Variants in SUMF1 observed in about 807,000 individuals in gnomAD.
SUMF1 encodes the protein sulfatase modifying factor 1, also known as formylglycine-generating enzyme.
SUMF1 carries 48 observed loss-of-function variants against 47.6 expected under a neutral mutation model. The ratio of observed to expected loss-of-function variants is 1.01; its 90% CI spans 0.80 to 1.28. The LOEUF is 1.28. SUMF1 is among the 50% of genes most tolerant of loss of function. The pLI is 0.00. For synonymous variants in SUMF1, 230 were observed against 192.1 expected (o/e 1.20, Z -1.63); for missense variants, 571 against 485.4 (o/e 1.18, Z -1.66).
At chr3:4,135,917 T>C (rs1335358265) in intron 8 of SUMF1, among the ~76,000 whole-genome samples, 2 of 151,980 alleles carry the variant, frequency 1.3e-5, no homozygotes, top group Non-Finnish European at 2.9e-5. Flanking sequence ...CCAACTTACA[T>C]GGGATGTGAA....
At chr3:4,386,094 T>C (rs780828093) in intron 7 of SUMF1, among the ~76,000 whole-genome samples, 12 of 152,206 alleles carry the variant, frequency 7.9e-5, no homozygotes, top group Non-Finnish European at 1.2e-4. Flanking sequence ...TTTTTCAAAA[T>C]TGTTTTAGCA....
chr3:4,347,846 A>G (rs2125150221), intron 8 of SUMF1, among the ~76,000 whole-genome samples: 1 of 152,356 alleles, frequency 6.6e-6, no homozygotes, highest in Middle Eastern at 3.4e-3. Flanking sequence ...TCAGGGTACA[A>G]AAGTCAACGT....
intron 8 of SUMF1, among the ~76,000 whole-genome samples, chr3:4,144,758 G>A (rs897047314): frequency 3.9e-5 from 6 of 152,058 alleles, no homozygotes; most frequent in African/African-American, 1.2e-4. Context: ...TAGGTTTCAC[G>A]TAATTTCAGT....
chr3:4,046,448 C>G (rs1294052072), intron 9 of SUMF1, among the ~76,000 whole-genome samples: 1 of 152,146 alleles, frequency 6.6e-6, no homozygotes, highest in Non-Finnish European at 1.5e-5. Flanking sequence ...TTCCACTGGC[C>G]TAACCCATAA....
At chr3:4,084,849 G>A (rs961035197) in intron 8 of SUMF1, among the ~76,000 whole-genome samples, 3 of 152,096 alleles carry the variant, frequency 2.0e-5, no homozygotes, top group Admixed American at 6.5e-5. Context: ...GTTTAAAGAT[G>A]AGGAGAGGAC....
intron 9 of SUMF1, among the ~76,000 whole-genome samples, chr3:4,047,975 T>A (rs1353733623): frequency 1.3e-5 from 2 of 152,094 alleles, no homozygotes; most frequent in Non-Finnish European, 2.9e-5. Flanking sequence ...ATTTTATGGA[T>A]GGGGAAACTT....
At chr3:4,376,189 GTCC>G (rs1430782103) in intron 8 of SUMF1, 138 bp downstream of exon 8, 2 of 1,024,414 alleles carry the variant, frequency 2.0e-6, no homozygotes, top group Non-Finnish European at 3.1e-6. Flanking sequence ...TGAGATGACT[GTCC>G]TCCTTTTTTT....
intron 3 of SUMF1, among the ~76,000 whole-genome samples, chr3:4,421,474 C>A (rs1000808446): frequency 6.6e-6 from 1 of 152,200 alleles, no homozygotes; most frequent in South Asian, 2.1e-4. Context: ...AGCTAAAGAA[C>A]AGATGTTGCA....
At chr3:4,435,634 T>C (rs1429561944) in intron 3 of SUMF1, among the ~76,000 whole-genome samples, 5 of 152,298 alleles carry the variant, frequency 3.3e-5, no homozygotes, top group Middle Eastern at 6.8e-3. Flanking sequence ...TTTTTTAAAC[T>C]TGAAGGAAGA....
intron 8 of SUMF1, among the ~76,000 whole-genome samples, chr3:4,123,458 T>C (rs1175067713): frequency 6.6e-6 from 1 of 152,188 alleles, no homozygotes; most frequent in African/African-American, 2.4e-5. Flanking sequence ...TGCTTTGCTT[T>C]TGTTCCACTT....
chr3:4,288,402 T>A (rs1000313104), intron 8 of SUMF1, among the ~76,000 whole-genome samples: 1 of 152,194 alleles, frequency 6.6e-6, no homozygotes, highest in African/African-American at 2.4e-5. Context: ...TTTGGATAGA[T>A]GTAAAAGCAT....
At chr3:4,058,769 T>C (rs1004222212) in intron 9 of SUMF1, among the ~76,000 whole-genome samples, 7 of 152,182 alleles carry the variant, frequency 4.6e-5, no homozygotes, top group Admixed American at 2.0e-4. Flanking sequence ...AAGTTTTCAA[T>C]GAATATGCAA....
At chr3:4,199,066 A>G (rs1387662623) in intron 8 of SUMF1, among the ~76,000 whole-genome samples, 2 of 151,994 alleles carry the variant, frequency 1.3e-5, no homozygotes, top group African/African-American at 4.8e-5. Context: ...GTTTAGGTAA[A>G]TGTATGCAGT....
intron 8 of SUMF1, among the ~76,000 whole-genome samples, chr3:4,127,512 C>T (rs1693682041): frequency 6.6e-6 from 1 of 152,088 alleles, no homozygotes; most frequent in African/African-American, 2.4e-5. Context: ...CTAGCTTAGC[C>T]TCCCAGCCTG....
chr3:4,465,574 TA>T (rs1228053497), intron 1 of SUMF1, among the ~76,000 whole-genome samples: 2 of 151,474 alleles, frequency 1.3e-5, no homozygotes, highest in Non-Finnish European at 2.9e-5. Context: ...CAATACACAC[TA>T]AAACAGTAAT....
At chr3:4,222,547 G>A (rs1206417066) in intron 8 of SUMF1, among the ~76,000 whole-genome samples, 1 of 151,934 alleles carries the variant, frequency 6.6e-6, no homozygotes, top group Non-Finnish European at 1.5e-5. Flanking sequence ...GTTGGTTTGT[G>A]AGTTACTCCC....
chr3:4,186,807 G>A (rs919821011), intron 8 of SUMF1, among the ~76,000 whole-genome samples: 3 of 152,114 alleles, frequency 2.0e-5, no homozygotes, highest in African/African-American at 7.2e-5. Flanking sequence ...TGTGATGCCA[G>A]ATATTCATGA....
chr3:4,332,094 A>G (rs751938698), intron 8 of SUMF1, among the ~76,000 whole-genome samples: 6 of 151,688 alleles, frequency 4.0e-5, no homozygotes, highest in African/African-American at 1.2e-4. Context: ...TTTTTGTGAT[A>G]ACACATTTGA....
chr3:4,180,700 A>ACACACACACAC (rs1553606606), intron 8 of SUMF1, among the ~76,000 whole-genome samples: 1 of 151,422 alleles, frequency 6.6e-6, no homozygotes, highest in African/African-American at 2.4e-5. Flanking sequence ...ACACACACAC[A>ACACACACACAC]AAATTAGCCA....
Sources: allele counts gnomAD v4.1 joint callset (sites outside exome capture counted in the v4.1 genomes callset), GRCh38; gene constraint gnomAD v4.1.1; transcripts MANE v1.5; gene names NCBI Gene and HGNC (gene_info 2026-07-23, HGNC 2026-07-21).